Variants in VEPH1 observed in about 807,000 individuals in gnomAD.
The protein encoded by VEPH1 is ventricular zone-expressed PH domain-containing protein homolog 1.
Under a neutral mutation model 85.2 loss-of-function variants are expected in VEPH1, and 80 were observed. That is an observed-to-expected ratio of 0.94 (90% CI 0.78 to 1.13). The LOEUF is 1.13. VEPH1 is among the 50% of genes most tolerant of loss of function. VEPH1 has a pLI of 0.00. For missense variants in VEPH1, 955 were observed against 980.5 expected, an observed-to-expected ratio of 0.97 and a Z score of 0.35; for synonymous variants, 297 against 348.0, an observed-to-expected ratio of 0.85 and a Z score of 1.63.
chr3:157,317,151 C>T lies in VEPH1; in HGVS notation c.1786G>A (p.Gly596Ser). Residue 596 changes from glycine to serine, a missense_variant, in exon 10 of 14, where the codon GGT becomes AGT. Gly to Ser is a moderately conservative substitution (Grantham distance 56). Transcript: ENST00000362010. ...AKLFFTCSLK[G>S]HYCLYSKSSF... is the part of the protein sequence containing the mutation. Reference sequence around the variant, plus strand: ...GACTTACTGTATAGGCAGTAATGACCCTTCAGGGAGCAGGTGAAGAACAAC... The same window carrying T: ...GACTTACTGTATAGGCAGTAATGACTCTTCAGGGAGCAGGTGAAGAACAAC... 6.2e-7 allele frequency: 1 copy of T among 1,612,832 alleles called. No homozygotes were observed. The highest frequency in any genetic ancestry group is 1.1e-5 in the South Asian group (1 of 90,890).
chr3:157,442,525 G>A lies in VEPH1; in HGVS notation c.530-14037C>T, dbSNP rs1458653981. The A allele has an allele frequency of 1.2e-6, 2 of 1,614,208 alleles. No individual in the cohort carries two copies. ...ATCCTGTTTTCCTATGGCACAAAGA[G>A]GAATCCATATGAAATCCAGCTGTAT... On this transcript the variant is annotated intron_variant, in intron 4 of 13. Coordinates refer to ENST00000362010, the MANE Select transcript of VEPH1 (RefSeq NM_001167912.2).
chr3:157,345,617 T>A (rs1418838211), intron 9 of VEPH1, among the ~76,000 whole-genome samples: 2 of 152,210 alleles, frequency 1.3e-5, no homozygotes, highest in Non-Finnish European at 2.9e-5. Flanking sequence ...TGGAAGTCAG[T>A]GTGGTGATTC....
chr3:157,353,064 C>A (rs541211269), intron 9 of VEPH1, among the ~76,000 whole-genome samples: 2 of 152,258 alleles, frequency 1.3e-5, no homozygotes, highest in South Asian at 4.2e-4. Context: ...CAGAATTGCC[C>A]TGCAGCAGAG....
chr3:157,291,353 T>C (rs2108400803), intron 11 of VEPH1, among the ~76,000 whole-genome samples: 1 of 152,376 alleles, frequency 6.6e-6, no homozygotes, highest in South Asian at 2.1e-4. Context: ...TCATATTGTC[T>C]TAAATTGTTA....
intron 7 of VEPH1, among the ~76,000 whole-genome samples, chr3:157,378,181 C>T (rs1231701467): frequency 6.6e-6 from 1 of 151,918 alleles, no homozygotes; most frequent in Non-Finnish European, 1.5e-5. Context: ...CCAACAGCGA[C>T]TTTGTGGGTG....
At chr3:157,339,880 G>A (rs1723341824) in intron 9 of VEPH1, among the ~76,000 whole-genome samples, 1 of 152,126 alleles carries the variant, frequency 6.6e-6, no homozygotes, top group Non-Finnish European at 1.5e-5. Context: ...CAAGTGTCCT[G>A]CTCACATCTT....
At chr3:157,348,755 C>T (rs1455915259) in intron 9 of VEPH1, among the ~76,000 whole-genome samples, 4 of 152,224 alleles carry the variant, frequency 2.6e-5, no homozygotes, top group Non-Finnish European at 4.4e-5. Flanking sequence ...GCTGCACTTC[C>T]GTGCTCTCCC....
At chr3:157,462,535 G>C (rs527741019) in intron 3 of VEPH1, among the ~76,000 whole-genome samples, 12 of 152,222 alleles carry the variant, frequency 7.9e-5, no homozygotes, top group East Asian at 3.9e-4. Context: ...CTAAGTATGG[G>C]AATCAGGTAA....
intron 12 of VEPH1, among the ~76,000 whole-genome samples, chr3:157,284,271 T>A (rs924516): frequency 0.22 from 33,217 of 152,162 alleles, 4,444 homozygotes; most frequent in Admixed American, 0.41. Context: ...AAAAGAAGTA[T>A]GCTAGATTTT....
At chr3:157,341,084 G>A (rs1490680475) in intron 9 of VEPH1, among the ~76,000 whole-genome samples, 2 of 152,198 alleles carry the variant, frequency 1.3e-5, no homozygotes, top group Non-Finnish European at 2.9e-5. Context: ...AAAAAACAGA[G>A]CAGAAAAGCT....
At chr3:157,285,013 T>A (rs1232421906) in intron 12 of VEPH1, 1 of 152,178 alleles carries the variant, frequency 6.6e-6, no homozygotes, top group Non-Finnish European at 1.5e-5. Context: ...CAGATATGAT[T>A]AAATATTTAT....
At chr3:157,282,750 A>G (rs1716296822) in intron 12 of VEPH1, among the ~76,000 whole-genome samples, 1 of 152,332 alleles carries the variant, frequency 6.6e-6, no homozygotes, top group Admixed American at 6.5e-5. Context: ...GTCAACATAC[A>G]CTGTGCAATT....
chr3:157,500,663 T>C (rs928648768), intron 1 of VEPH1, among the ~76,000 whole-genome samples: 2 of 152,242 alleles, frequency 1.3e-5, no homozygotes, highest in Non-Finnish European at 2.9e-5. Flanking sequence ...ATAGATGATA[T>C]TGCTTTAGCC....
In VEPH1 at chr3:157,413,932, G is replaced by A; in HGVS notation, c.855C>T (p.Tyr285=). The change falls in exon 6 of 14, where the codon TAC becomes TAT. Residue 285 remains tyrosine (Y), a synonymous_variant. Transcript: ENST00000362010. ...MLKEIGERFP[Y]LTGQMARIYG... Reference sequence around the variant, plus strand: ...AAATCCTTGCCATCTGTCCAGTGAGGTAGGGGAATCTCTCACCAATCTCTT... The same window carrying A: ...AAATCCTTGCCATCTGTCCAGTGAGATAGGGGAATCTCTCACCAATCTCTT... 2.5e-6 allele frequency: 4 copies of A among 1,613,692 alleles called. No homozygotes were observed. The highest frequency in any genetic ancestry group is 3.4e-6 in the Non-Finnish European group (4 of 1,179,736).
intron 1 of VEPH1, among the ~76,000 whole-genome samples, chr3:157,502,488 T>C (rs1740194699): frequency 6.6e-6 from 1 of 152,216 alleles, no homozygotes; most frequent in African/African-American, 2.4e-5. Flanking sequence ...ATAATACAAA[T>C]CTTGCTGAAA....
intron 7 of VEPH1, among the ~76,000 whole-genome samples, chr3:157,376,670 T>G (rs1437988997): frequency 6.6e-6 from 1 of 152,238 alleles, no homozygotes; most frequent in Non-Finnish European, 1.5e-5. Context: ...GCTCACCTGG[T>G]GCTTCTAACA....
chr3:157,317,311 C>G (rs1720856011), intron 9 of VEPH1, 110 bp from the exon 10 acceptor site: 21 of 1,034,986 alleles, frequency 2.0e-5, no homozygotes, highest in Non-Finnish European at 2.4e-5. Context: ...AGTTTTCAAA[C>G]TGTGAGCTAA....
At chr3:157,310,498 G>T (rs1342660748) in intron 11 of VEPH1, among the ~76,000 whole-genome samples, 1 of 152,188 alleles carries the variant, frequency 6.6e-6, no homozygotes, top group Non-Finnish European at 1.5e-5. Context: ...TTAAAGCCAG[G>T]TGATTCAGAG....
chr3:157,453,006 A>G (rs1389644613), intron 4 of VEPH1, among the ~76,000 whole-genome samples: 1 of 152,222 alleles, frequency 6.6e-6, no homozygotes, highest in Non-Finnish European at 1.5e-5. Flanking sequence ...ACTGAAGTAC[A>G]GTATCCCCTG....
Sources: allele counts gnomAD v4.1 joint callset (sites outside exome capture counted in the v4.1 genomes callset), GRCh38; gene constraint gnomAD v4.1.1; transcripts MANE v1.5; gene names NCBI Gene and HGNC (gene_info 2026-07-23, HGNC 2026-07-21).